The following CD14 variants were observed in gnomAD, a reference collection of about 807,000 sequenced individuals.
CD14 encodes the protein CD14 molecule.
CD14 carries 4 observed loss-of-function variants against 2.5 expected under a neutral mutation model. The observed-to-expected ratio is 1.63, with a 90% CI of 0.80 to 3.72. CD14 has a LOEUF of 3.72. Among genes scored for constraint, CD14 ranks in the 30% most tolerant of loss-of-function variants. The pLI, the probability that CD14 is intolerant of heterozygous loss-of-function variation, is 0.01. For missense variants in CD14, 478 were observed against 497.8 expected (o/e 0.96, Z 0.38); for synonymous variants, 236 against 235.1 (o/e 1.00, Z -0.04).
chr5:140,632,376 T>C lies in CD14; in HGVS notation c.608A>G (p.Asp203Gly). 7 of 1,614,174 alleles carry C rather than the reference T, an allele frequency of 4.3e-6. No homozygotes were observed. The highest frequency in any genetic ancestry group is 1.7e-6 in the Non-Finnish European group (2 of 1,180,038). ...FPALTSLDLS[D>G]NPGLGERGLM... ...TCCGCGTTCGCCCAGTCCAGGATTGTCAGACAGGTCTAGGCTGGTAAGGGC... is the reference window on the plus strand; with the variant it reads ...TCCGCGTTCGCCCAGTCCAGGATTGCCAGACAGGTCTAGGCTGGTAAGGGC... The change falls in exon 2 of 2, where the codon GAC (aspartate) becomes GGC (glycine). Residue 203 changes from aspartate to glycine, a missense_variant. Physicochemically the swap from Asp to Gly is moderately conservative, Grantham distance 94. Coordinates refer to ENST00000302014, the MANE Select transcript of CD14 (RefSeq NM_000591.4). The surrounding 1 kb of genome is among the most constrained non-coding windows in gnomAD (Gnocchi z 6.2).
chr5:140,632,662 C>A lies in CD14; in HGVS notation c.322G>T (p.Gly108Cys). 1 of 1,613,836 alleles carries A rather than the reference C, an allele frequency of 6.2e-7. No homozygotes were observed. Residue 108 changes from glycine (G) to cysteine (C), a missense_variant, in exon 2 of 2, where the codon GGC becomes TGC. Physicochemically the swap from Gly to Cys is radical, Grantham distance 159. Transcript: ENST00000302014. The surrounding 1 kb of genome is among the most constrained non-coding windows in gnomAD (Gnocchi z 6.2). Reference protein sequence around the residue: ...AAQVPAQLLVGALRVLAYSRL... With the variant: ...AAQVPAQLLVCALRVLAYSRL... ...GAGTACGCTAGCACACGCAGGGCGC[C>A]TACCAGTAGCTGAGCAGGAACCTGT...
chr5:140,632,125 C>T lies in CD14; in HGVS notation c.859G>A (p.Gly287Arg). The T allele has an allele frequency of 1.2e-6, 2 of 1,614,194 alleles. No homozygotes were observed. Among genetic ancestry groups the T allele is most frequent in the Non-Finnish European group, 1.7e-6 (2 of 1,180,042 alleles). The part of the protein sequence containing the change: ...ALNSLNLSFA[G>R]LEQVPKGLPA... ...AGTCCTTTAGGCACCTGTTCCAGCC[C>T]AGCGAACGACAGATTGAGGGAGTTC... Residue 287 changes from glycine (G) to arginine (R), a missense_variant, in exon 2 of 2, where the codon GGG (glycine) becomes AGG (arginine). Physicochemically the swap from Gly to Arg is moderately radical, Grantham distance 125. Transcript: ENST00000302014. This position sits in a 1 kb window ranked among gnomAD's most constrained non-coding sequence, Gnocchi z 6.2.
Position 140,631,903 on chromosome 5 carries a change from C to T in CD14, c.1081G>A (p.Val361Met), listed in dbSNP as rs1355943293. 4 of 1,595,242 alleles carry T rather than the reference C, an allele frequency of 2.5e-6. No individual in the cohort carries two copies. Among genetic ancestry groups the T allele is most frequent in the Admixed American group, 3.4e-5 (2 of 59,258 alleles). Residue 361 changes from valine (V) to methionine (M), a missense_variant, in exon 2 of 2, where the codon GTG becomes ATG. Transcript: ENST00000302014. ...ACARSTLSVG[V>M]SGTLVLLQGA... is the part of the protein sequence containing the mutation. ...TGGAGCAGCACCAGGGTTCCCGACA[C>T]CCCCACCGACAGGGTCGAACGTGCA...
upstream of CD14, chr5:140,633,310 A>C (rs939553739): frequency 1.6e-6 from 1 of 618,140 alleles, no homozygotes. Flanking sequence ...TATTGCAATG[A>C]AGGATGTTTC....
In CD14 at chr5:140,632,461, G is replaced by A. The variant is rs893967796; in HGVS notation, c.523C>T (p.Leu175=). 1.9e-5 allele frequency: 31 copies of A among 1,614,092 alleles called. No individual in the cohort carries two copies. Among genetic ancestry groups the A allele is most frequent in the Non-Finnish European group, 2.5e-5 (30 of 1,180,058 alleles). Residue 175 remains leucine (L), a synonymous_variant, in exon 2 of 2, where the codon CTG becomes TTG. Coordinates refer to ENST00000302014, the MANE Select transcript of CD14 (RefSeq NM_000591.4). This position sits in a 1 kb window ranked among gnomAD's most constrained non-coding sequence, Gnocchi z 6.2. ...QQWLKPGLKV[L]SIAQAHSPAF... Reference sequence around the variant, plus strand: ...GGCGAGTGTGCTTGGGCAATGCTCAGTACCTTGAGGCCTGGCTTGAGCCAC... The same window carrying A: ...GGCGAGTGTGCTTGGGCAATGCTCAATACCTTGAGGCCTGGCTTGAGCCAC...
At position 140,631,746 on chromosome 5, in the gene CD14, T is replaced by A. The variant is rs1581446224; in HGVS notation, c.*110A>T. Reference sequence around the variant, plus strand: ...TGACACGGACCCGTTGTTTAAGATTTTAATAAAGGTGGGGCAAAGGGTTGA... The same window carrying A: ...TGACACGGACCCGTTGTTTAAGATTATAATAAAGGTGGGGCAAAGGGTTGA... On this transcript the variant is annotated 3_prime_UTR_variant, in exon 2 of 2. Transcript: ENST00000302014. 1 of 1,047,764 alleles carries A rather than the reference T, an allele frequency of 9.5e-7. No individual in the cohort carries two copies. Among genetic ancestry groups the A allele is most frequent in the African/African-American group, 1.6e-5 (1 of 62,944 alleles). The allele number at this position is 1,047,764 out of a possible 1,614,324, so 64.9% of individuals were successfully genotyped here.
chr5:140,632,460 A>G lies in CD14; in HGVS notation c.524T>C (p.Leu175Pro), dbSNP rs914866946. The G allele has an allele frequency of 8.1e-6, 13 of 1,614,206 alleles. No individual in the cohort carries two copies. The highest frequency in any genetic ancestry group is 1.1e-5 in the Non-Finnish European group (13 of 1,180,052). ...QQWLKPGLKV[L>P]SIAQAHSPAF... is the part of the protein sequence containing the mutation. Reference sequence around the variant, plus strand: ...AGGCGAGTGTGCTTGGGCAATGCTCAGTACCTTGAGGCCTGGCTTGAGCCA... The same window carrying G: ...AGGCGAGTGTGCTTGGGCAATGCTCGGTACCTTGAGGCCTGGCTTGAGCCA... Residue 175 changes from leucine (L) to proline (P), a missense_variant, in exon 2 of 2, where the codon CTG becomes CCG. By Grantham distance (98) the Leu-to-Pro change is moderately conservative. Coordinates refer to ENST00000302014, the MANE Select transcript of CD14 (RefSeq NM_000591.4). This position sits in a 1 kb window ranked among gnomAD's most constrained non-coding sequence, Gnocchi z 6.2.
chr5:140,633,039 A>G (rs1756663848), intron 1 of CD14, 30 bp downstream of exon 1: 1 of 1,613,280 alleles, frequency 6.2e-7, no homozygotes, highest in South Asian at 1.1e-5. Flanking sequence ...CCCGAGTGGC[A>G]CGCGTTCGAC....
In CD14 at chr5:140,632,049, G is replaced by A. The variant is rs776267377; in HGVS notation, c.935C>T (p.Ala312Val). Residue 312 changes from alanine (A) to valine (V), a missense_variant, in exon 2 of 2, where the codon GCG becomes GTG. Coordinates refer to ENST00000302014, the MANE Select transcript of CD14 (RefSeq NM_000591.4). This position sits in a 1 kb window ranked among gnomAD's most constrained non-coding sequence, Gnocchi z 6.2. Reference sequence around the variant, plus strand: ...CTCGGGCAGCTCGTCAGGCTGCGGCGCCCTGTTCAGTCTGTTGCAGCTGAG... The same window carrying A: ...CTCGGGCAGCTCGTCAGGCTGCGGCACCCTGTTCAGTCTGTTGCAGCTGAG... Reference protein sequence around the residue: ...LDLSCNRLNRAPQPDELPEVD... With the variant: ...LDLSCNRLNRVPQPDELPEVD... 2.5e-6 allele frequency: 4 copies of A among 1,614,230 alleles called. No individual in the cohort carries two copies. Among genetic ancestry groups the A allele is most frequent in the Non-Finnish European group, 3.4e-6 (4 of 1,180,038 alleles).
Position 140,633,155 on chromosome 5 carries a change from G to T in CD14, c.-84C>A. The stretch of plus-strand genomic sequence containing the variant: ...CTTTCCTACACAGCGGCACCCGCCG[G>T]CTTCCAGGCTTCACACTTGTGAACT... On this transcript the variant is annotated 5_prime_UTR_variant, in exon 1 of 2. Coordinates refer to ENST00000302014, the MANE Select transcript of CD14 (RefSeq NM_000591.4). The T allele has an allele frequency of 1.3e-6, 2 of 1,561,294 alleles. No homozygotes were observed. Among genetic ancestry groups the T allele is most frequent in the Non-Finnish European group, 1.8e-6 (2 of 1,142,244 alleles).
rs751158365 is a variant in CD14, at chr5:140,632,709, C to T, written c.275G>A (p.Arg92Gln). The T allele has an allele frequency of 1.2e-6, 2 of 1,613,650 alleles. No individual in the cohort carries two copies. The highest frequency in any genetic ancestry group is 1.7e-5 in the Admixed American group (1 of 60,016). The change falls in exon 2 of 2, where the codon CGG becomes CAG. Residue 92 changes from arginine (R) to glutamine (Q), a missense_variant. Coordinates refer to ENST00000302014, the MANE Select transcript of CD14 (RefSeq NM_000591.4). The surrounding 1 kb of genome is among the most constrained non-coding windows in gnomAD (Gnocchi z 6.2). ...YADTVKALRVRRLTVGAAQVP... is the reference protein window; with the variant it reads ...YADTVKALRVQRLTVGAAQVP... ...CTGTGCGGCTCCCACTGTGAGCCGC[C>T]GCACGCGGAGAGCCTTGACCGTGTC...
Position 140,631,787 on chromosome 5 carries a change from C to T in CD14, c.*69G>A, listed in dbSNP as rs1369331514. ...AAAGGGTTGAATTGGTCGAAAAGTC[C>T]TCAACGTCCTGACGGGACTCCCCTG... On this transcript the variant is annotated 3_prime_UTR_variant, in exon 2 of 2. Coordinates refer to ENST00000302014, the MANE Select transcript of CD14 (RefSeq NM_000591.4). 16 of 1,427,456 alleles carry T rather than the reference C, an allele frequency of 1.1e-5. No individual in the cohort carries two copies. In the African/African-American group the frequency reaches 1.7e-4, roughly 15 times the overall value. The allele number at this position is 1,427,456 out of a possible 1,614,324, so 88.4% of individuals were successfully genotyped here. A position where few individuals can be genotyped will look rare whatever the true frequency, so the allele number is the denominator to read the frequency against.
In CD14 at chr5:140,632,402, C is replaced by T; in HGVS notation, c.582G>A (p.Pro194=). 1 of 1,614,098 alleles carries T rather than the reference C, an allele frequency of 6.2e-7. No homozygotes were observed. The highest frequency in any genetic ancestry group is 8.5e-7 in the Non-Finnish European group (1 of 1,180,034). The change falls in exon 2 of 2, where the codon CCG becomes CCA. Residue 194 remains proline (P), a synonymous_variant. Transcript: ENST00000302014. This position sits in a 1 kb window ranked among gnomAD's most constrained non-coding sequence, Gnocchi z 6.2. The part of the protein sequence containing the change: ...AFSCEQVRAF[P]ALTSLDLSDN... ...CAGACAGGTCTAGGCTGGTAAGGGC[C>T]GGGAAGGCGCGAACCTGTTCGCAGG...
At chr5:140,633,595 A>G (rs188938906), upstream of CD14, 13 of 173,058 alleles carry the variant, frequency 7.5e-5, no homozygotes, top group African/African-American at 3.1e-4. Context: ...GTTTATGTTG[A>G]TCTCCTGCCA....
rs771075888 is a variant in CD14, at chr5:140,632,551, A to G, written c.433T>C (p.Ser145Pro). 11 of 1,614,138 alleles carry G rather than the reference A, an allele frequency of 6.8e-6. No homozygotes were observed. In the South Asian group the frequency reaches 1.2e-4, roughly 18 times the overall value. The change falls in exon 2 of 2, where the codon TCC becomes CCC. Residue 145 changes from serine to proline, a missense_variant. Transcript: ENST00000302014. The surrounding 1 kb of genome is among the most constrained non-coding windows in gnomAD (Gnocchi z 6.2). ...LPLEATGLAL[S>P]SLRLRNVSWA... ...GACACGTTGCGTAGGCGCAAGCTGG[A>G]AAGTGCAAGTCCTGTGGCTTCCAGA... is the stretch of plus-strand genomic sequence containing the variant.
chr5:140,633,511 C>G (rs1202003050), upstream of CD14: 1 of 263,922 alleles, frequency 3.8e-6, no homozygotes, highest in African/African-American at 2.2e-5. Context: ...CTGCACTATC[C>G]AACCCCCCAA....
In CD14 at chr5:140,631,994, G is replaced by A; in HGVS notation, c.990C>T (p.Pro330=). Residue 330 remains proline (P), a synonymous_variant, in exon 2 of 2, where the codon CCC becomes CCT. Coordinates refer to ENST00000302014, the MANE Select transcript of CD14 (RefSeq NM_000591.4). The part of the protein sequence containing the change: ...EVDNLTLDGN[P]FLVPGTALPH... The stretch of plus-strand genomic sequence containing the variant: ...GGAGGGCAGTTCCAGGGACCAGGAA[G>A]GGATTCCCGTCCAGTGTCAGGTTAT... 2 of 1,614,042 alleles carry A rather than the reference G, an allele frequency of 1.2e-6. No homozygotes were observed. Among genetic ancestry groups the A allele is most frequent in the Non-Finnish European group, 1.7e-6 (2 of 1,179,904 alleles).
rs1309962143 is a variant in CD14, at chr5:140,631,925, T to TGC, written c.1057_1058dup (p.Arg354HisfsTer63). 1 of 1,607,940 alleles carries TGC rather than the reference T, an allele frequency of 6.2e-7. No homozygotes were observed. Among genetic ancestry groups the TGC allele is most frequent in the East Asian group, 2.2e-5 (1 of 44,680 alleles). ...ACACCCCCACCGACAGGGTCGAACG[T>TGC]GCACAGGCTGGGACCACGCCGGAGT... On this transcript the variant is annotated frameshift_variant, in exon 2 of 2. Coordinates refer to ENST00000302014, the MANE Select transcript of CD14 (RefSeq NM_000591.4). LOFTEE classifies it low-confidence loss of function (END_TRUNC).
chr5:140,633,033 A>G lies in CD14; in HGVS notation c.3+36T>C, dbSNP rs779406666. ...CCCCATCCAACCCCTGTGGCTCCCGAGTGGCACGCGTTCGACCCCAAGACC... is the reference window on the plus strand; with the variant it reads ...CCCCATCCAACCCCTGTGGCTCCCGGGTGGCACGCGTTCGACCCCAAGACC... On this transcript the variant is annotated intron_variant, in intron 1 of 1. Coordinates refer to ENST00000302014, the MANE Select transcript of CD14 (RefSeq NM_000591.4). The G allele has an allele frequency of 2.0e-5, 33 of 1,613,006 alleles. No individual in the cohort carries two copies. In the Admixed American group the frequency reaches 5.3e-4, roughly 26 times the overall value.
Sources: gnomAD v4.1 joint callset for allele counts on GRCh38, gnomAD v4.1.1 for gene constraint, Gnocchi (gnomAD v3.1) non-coding constraint, MANE v1.5 for transcripts, NCBI Gene and HGNC (gene_info 2026-07-23, HGNC 2026-07-21) for gene names.